TNR: variants seen among roughly 807,000 people sequenced by gnomAD.
The protein encoded by TNR is tenascin-R.
In TNR, 45 loss-of-function variants were observed where a neutral mutation model predicts 150.4. The ratio of observed to expected loss-of-function variants is 0.30; its 90% CI spans 0.24 to 0.38. The LOEUF (loss-of-function observed/expected upper bound fraction) is 0.38. Ranked by LOEUF, TNR falls within the 10% of genes least tolerant of loss-of-function variation. The probability of loss-of-function intolerance (pLI) is 1.00; values close to 1 mark genes in which losing one functional copy is unlikely to be tolerated. For synonymous variants in TNR, 687 were observed against 678.4 expected (o/e 1.01, Z -0.20); for missense variants, 1,544 against 1,759.1 (o/e 0.88, Z 2.19).
chr1:175,675,008 T>C (rs1233923466), intron 1 of TNR, among the ~76,000 whole-genome samples: 1 of 151,910 alleles, frequency 6.6e-6, no homozygotes, highest in Non-Finnish European at 1.5e-5. Flanking sequence ...TTTGGGGAGA[T>C]GGGGGTGGCT....
chr1:175,475,469 G>T (rs1657507653), intron 2 of TNR, among the ~76,000 whole-genome samples: 1 of 152,110 alleles, frequency 6.6e-6, no homozygotes, highest in Admixed American at 6.6e-5. Flanking sequence ...GCACAAAAGG[G>T]TCCTTAAAAA....
chr1:175,712,276 C>T (rs1476585577), intron 1 of TNR, among the ~76,000 whole-genome samples: 1 of 152,160 alleles, frequency 6.6e-6, no homozygotes, highest in East Asian at 1.9e-4. Flanking sequence ...GAACTTCATG[C>T]TCATGCAGTG....
chr1:175,332,326 G>A (rs1649984468), intron 20 of TNR, among the ~76,000 whole-genome samples: 1 of 152,156 alleles, frequency 6.6e-6, no homozygotes, highest in South Asian at 2.1e-4. Context: ...ACTGAAGTGA[G>A]TCTCCAGCCA....
At chr1:175,724,653 T>C (rs1318054017) in intron 1 of TNR, among the ~76,000 whole-genome samples, 2 of 152,210 alleles carry the variant, frequency 1.3e-5, no homozygotes, top group African/African-American at 2.4e-5. Flanking sequence ...TTAAATTTAA[T>C]GTTTATGTTT....
intron 1 of TNR, among the ~76,000 whole-genome samples, chr1:175,738,830 A>C (rs1667845183): frequency 6.6e-6 from 1 of 152,128 alleles, no homozygotes; most frequent in African/African-American, 2.4e-5. Context: ...TTCCAATTCC[A>C]CCTTCCCCAC....
At chr1:175,700,381 C>A (rs903046646) in intron 1 of TNR, among the ~76,000 whole-genome samples, 4 of 152,162 alleles carry the variant, frequency 2.6e-5, no homozygotes, top group Non-Finnish European at 5.9e-5. Flanking sequence ...GCTACGGGAC[C>A]AAGCTCAGAA....
At chr1:175,559,179 A>G (rs1015579948) in intron 1 of TNR, among the ~76,000 whole-genome samples, 1 of 152,200 alleles carries the variant, frequency 6.6e-6, no homozygotes, top group Admixed American at 6.5e-5. Context: ...TAGCTAATGG[A>G]TATGTGGTTT....
At chr1:175,344,426 T>C (rs1650675544) in intron 18 of TNR, among the ~76,000 whole-genome samples, 1 of 152,214 alleles carries the variant, frequency 6.6e-6, no homozygotes, top group Admixed American at 6.5e-5. Flanking sequence ...TTGATCCAGC[T>C]TTGGGAAGTC....
chr1:175,556,326 C>T (rs530301765), intron 1 of TNR, among the ~76,000 whole-genome samples: 81 of 152,340 alleles, frequency 5.3e-4, no homozygotes, highest in African/African-American at 1.9e-3. Flanking sequence ...CAAGTAATGT[C>T]CATGAAGGAC....
intron 1 of TNR, among the ~76,000 whole-genome samples, chr1:175,653,028 G>A (rs1053529778): frequency 2.6e-5 from 4 of 152,148 alleles, no homozygotes; most frequent in Admixed American, 6.5e-5. Flanking sequence ...CTTAAAGTCC[G>A]ACACCATCAG....
chr1:175,391,281 C>T lies in TNR; in HGVS notation c.1507+7G>A. ...CAGCTCTAGGGAGAAGGGTTGGAGGCACTCACCTGTGGAGACGCTGGCCGA... is the reference window on the plus strand; with the variant it reads ...CAGCTCTAGGGAGAAGGGTTGGAGGTACTCACCTGTGGAGACGCTGGCCGA... On this transcript the variant is annotated splice_region_variant and intron_variant, in intron 7 of 22. Transcript: ENST00000367674. 6.2e-7 allele frequency: 1 copy of T among 1,612,964 alleles called. No homozygotes were observed.
intron 1 of TNR, among the ~76,000 whole-genome samples, chr1:175,662,707 T>C (rs1254123121): frequency 6.6e-6 from 1 of 152,214 alleles, no homozygotes; most frequent in Non-Finnish European, 1.5e-5. Context: ...AACGTAGTTA[T>C]TTCATTAACT....
Position 175,427,658 on chromosome 1 carries a change from T to TTTCCTTCCTTCCTTCC in TNR, c.-63-20897_-63-20882dup, listed in dbSNP as rs199692758. Among the ~76,000 whole-genome samples, 1,100 of 116,610 alleles carry TTTCCTTCCTTCCTTCC rather than the reference T, an allele frequency of 9.4e-3. 15 individuals are homozygous for TTTCCTTCCTTCCTTCC. Among genetic ancestry groups the TTTCCTTCCTTCCTTCC allele is most frequent in the Middle Eastern group, 0.024 (5 of 212 alleles). 76.5% of individuals were successfully genotyped at this position (116,610 alleles called of 152,430 possible). On this transcript the variant is annotated intron_variant, in intron 2 of 22. Coordinates refer to ENST00000367674, the MANE Select transcript of TNR (RefSeq NM_003285.3). ...TTACAGGTATATGAGAAGTGTTTTG[T>TTTCCTTCCTTCCTTCC]TTCCTTCCTTCCTTCCTTCCTTCCT...
rs796731508 is a variant in TNR at position 175,331,050 on chromosome 1, T to C, written c.3632-815A>G. Among the ~76,000 whole-genome samples the C allele has an allele frequency of 1.8e-4, 17 of 95,756 alleles. 1 individual carries two copies. The highest frequency in any genetic ancestry group is 5.4e-4 in the African/African-American group (13 of 24,092). 62.8% of individuals were successfully genotyped at this position (95,756 alleles called of 152,430 possible). On this transcript the variant is annotated intron_variant, in intron 20 of 22. Coordinates refer to ENST00000367674, the MANE Select transcript of TNR (RefSeq NM_003285.3). ...CTTTCTTTCTTTCTTTCTTTCTTTC[T>C]TTCTTTCTTTCTTTCTTTCTTTCTT...
chr1:175,718,188 A>G (rs1667204628), intron 1 of TNR, among the ~76,000 whole-genome samples: 1 of 152,120 alleles, frequency 6.6e-6, no homozygotes, highest in East Asian at 1.9e-4. Context: ...CATGGGTGAA[A>G]CAAAATATCA....
At chr1:175,336,300 A>C (rs1021083400) in intron 19 of TNR, among the ~76,000 whole-genome samples, 1 of 152,248 alleles carries the variant, frequency 6.6e-6, no homozygotes, top group African/African-American at 2.4e-5. Flanking sequence ...TATTTTATTT[A>C]GCCTCCAATA....
intron 1 of TNR, among the ~76,000 whole-genome samples, chr1:175,533,541 T>G (rs1286491104): frequency 6.6e-6 from 1 of 152,240 alleles, no homozygotes; most frequent in Non-Finnish European, 1.5e-5. Flanking sequence ...GAAGATTTGC[T>G]GAGGCTTAAT....
intron 2 of TNR, among the ~76,000 whole-genome samples, chr1:175,466,444 C>A (rs894391497): frequency 6.6e-6 from 1 of 152,202 alleles, no homozygotes; most frequent in Non-Finnish European, 1.5e-5. Context: ...ACCTGCAGTG[C>A]TTCCGTCTTC....
intron 1 of TNR, among the ~76,000 whole-genome samples, chr1:175,597,725 G>C (rs1480733755): frequency 2.0e-5 from 3 of 152,210 alleles, no homozygotes; most frequent in African/African-American, 4.8e-5. Flanking sequence ...GCCCTAGTTA[G>C]CTGGACCAGT....
Sources: gnomAD v4.1 joint callset for allele counts (sites outside exome capture counted in the v4.1 genomes callset) on GRCh38, gnomAD v4.1.1 for gene constraint, MANE v1.5 for transcripts, NCBI Gene and HGNC (gene_info 2026-07-23, HGNC 2026-07-21) for gene names.